The following ELAVL3 variants were observed in gnomAD, a reference collection of about 807,000 sequenced individuals.
ELAVL3 encodes ELAV like RNA binding protein 3.
In ELAVL3, 8 loss-of-function variants were observed where a neutral mutation model predicts 34.2. The ratio of observed to expected loss-of-function variants is 0.23; its 90% CI spans 0.14 to 0.42. The LOEUF is 0.42. ELAVL3 is among the 10% of genes least tolerant of loss of function. The probability of loss-of-function intolerance (pLI) is 1.00; values close to 1 mark genes in which losing one functional copy is unlikely to be tolerated. For missense variants in ELAVL3, 273 were observed against 518.8 expected (o/e 0.53, Z 4.60); for synonymous variants, 209 against 222.1 (o/e 0.94, Z 0.53).
At position 11,451,392 on chromosome 19, in the gene ELAVL3, T is replaced by G. The variant is rs1400569190; in HGVS notation, c.*3134A>C. On this transcript the variant is annotated 3_prime_UTR_variant, in exon 7 of 7. Coordinates refer to ENST00000359227, the MANE Select transcript of ELAVL3 (RefSeq NM_001420.4). The stretch of plus-strand genomic sequence containing the variant: ...ATAATTAAACAATTCCATGTAAAAG[T>G]CTGTTACCGCGGCCAGGCCTGTGAT... 1 of 151,684 alleles carries G rather than the reference T, an allele frequency of 6.6e-6. No homozygotes were observed. Among genetic ancestry groups the G allele is most frequent in the Non-Finnish European group, 1.5e-5 (1 of 67,978 alleles). 9.4% of individuals were successfully genotyped at this position (151,684 alleles called of 1,614,324 possible). A position where few individuals can be genotyped will look rare whatever the true frequency, so the allele number is the denominator to read the frequency against.
At chr19:11,468,305 C>G (rs1295383123) in intron 1 of ELAVL3, among the ~76,000 whole-genome samples, 2 of 152,126 alleles carry the variant, frequency 1.3e-5, no homozygotes, top group African/African-American at 4.8e-5. Context: ...TAACATAAAA[C>G]ACCTTCAAAT....
At chr19:11,457,547 C>T (rs1246147048) in intron 5 of ELAVL3, among the ~76,000 whole-genome samples, 1 of 152,216 alleles carries the variant, frequency 6.6e-6, no homozygotes, top group Non-Finnish European at 1.5e-5. Context: ...AAGGGGCTTC[C>T]ATTGTCTCCC....
At chr19:11,464,246 C>G (rs1599537774) in intron 3 of ELAVL3, among the ~76,000 whole-genome samples, 1 of 149,040 alleles carries the variant, frequency 6.7e-6, no homozygotes, top group South Asian at 2.1e-4. Flanking sequence ...ACTGTAGCCT[C>G]GCCGCCTCAG....
intron 3 of ELAVL3, among the ~76,000 whole-genome samples, chr19:11,464,769 CCA>C (rs1264620989): frequency 4.1e-5 from 5 of 121,720 alleles, no homozygotes; most frequent in Non-Finnish European, 8.3e-5. Flanking sequence ...ATCACACACA[CCA>C]CACACATACA....
chr19:11,451,617 C>A lies in ELAVL3; in HGVS notation c.*2909G>T, dbSNP rs539389362. ...GGTGGAGGGGCTGAGCCCCCTCCCCCCTGGCCTGGCCCCTGCCCCCCAGGG... is the reference window on the plus strand; with the variant it reads ...GGTGGAGGGGCTGAGCCCCCTCCCCACTGGCCTGGCCCCTGCCCCCCAGGG... On this transcript the variant is annotated 3_prime_UTR_variant, in exon 7 of 7. Transcript: ENST00000359227. The A allele has an allele frequency of 6.6e-6, 1 of 151,594 alleles. No individual in the cohort carries two copies. The highest frequency in any genetic ancestry group is 2.4e-5 in the African/African-American group (1 of 41,290). 9.4% of individuals were successfully genotyped at this position (151,594 alleles called of 1,614,324 possible). A position where few individuals can be genotyped will look rare whatever the true frequency, so the allele number is the denominator to read the frequency against.
chr19:11,463,862 G>A (rs1165614079), intron 3 of ELAVL3, among the ~76,000 whole-genome samples: 2 of 151,664 alleles, frequency 1.3e-5, no homozygotes, highest in Non-Finnish European at 1.5e-5. Flanking sequence ...CCAGCTACTC[G>A]GGAGGCTGAG....
At position 11,451,618 on chromosome 19, in the gene ELAVL3, C is replaced by T. The variant is rs1195758532; in HGVS notation, c.*2908G>A. 3 of 151,722 alleles carry T rather than the reference C, an allele frequency of 2.0e-5. No individual in the cohort carries two copies. The East Asian group carries it at 5.9e-4, about 30-fold the overall frequency. 9.4% of individuals were successfully genotyped at this position (151,722 alleles called of 1,614,324 possible). A position where few individuals can be genotyped will look rare whatever the true frequency, so the allele number is the denominator to read the frequency against. On this transcript the variant is annotated 3_prime_UTR_variant, in exon 7 of 7. Transcript: ENST00000359227. ...GTGGAGGGGCTGAGCCCCCTCCCCC[C>T]TGGCCTGGCCCCTGCCCCCCAGGGA...
intron 3 of ELAVL3, among the ~76,000 whole-genome samples, chr19:11,464,694 A>G: frequency 7.2e-6 from 1 of 139,342 alleles, no homozygotes; most frequent in East Asian, 2.1e-4. Context: ...CCCCCCACAC[A>G]CATACACCAC....
In ELAVL3 at chr19:11,464,143, C is replaced by A. The variant is rs1238797161; in HGVS notation, c.333+2029G>T. The stretch of plus-strand genomic sequence containing the variant: ...TCTCTGTCTCTCTCTCTCTCTCTCT[C>A]TCTCTCTCTATATATATATATATAT... On this transcript the variant is annotated intron_variant, in intron 3 of 6. Coordinates refer to ENST00000359227, the MANE Select transcript of ELAVL3 (RefSeq NM_001420.4). 2.9e-4 allele frequency among the ~76,000 whole-genome samples: 32 copies of A among 108,880 alleles called. 2 individuals are homozygous for A. Among genetic ancestry groups the A allele is most frequent in the South Asian group, 8.5e-4 (3 of 3,544 alleles). 71.4% of individuals were successfully genotyped at this position (108,880 alleles called of 152,430 possible).
intron 1 of ELAVL3, among the ~76,000 whole-genome samples, chr19:11,479,642 G>A (rs2144920840): frequency 6.6e-6 from 1 of 151,608 alleles, no homozygotes; most frequent in Non-Finnish European, 1.5e-5. Context: ...CCGGGCCCCC[G>A]GGGCCCTGGG....
chr19:11,466,945 G>A lies in ELAVL3; in HGVS notation c.10-118C>T. ...CTTATAGGGGCTTCGTCATGGGGAGGGGTCACTTTATTATTCTAATGATGG... is the reference window on the plus strand; with the variant it reads ...CTTATAGGGGCTTCGTCATGGGGAGAGGTCACTTTATTATTCTAATGATGG... On this transcript the variant is annotated intron_variant, in intron 1 of 6. Coordinates refer to ENST00000359227, the MANE Select transcript of ELAVL3 (RefSeq NM_001420.4). The surrounding 1 kb of genome is among the most constrained non-coding windows in gnomAD (Gnocchi z 5.0). The A allele has an allele frequency of 1.3e-6, 1 of 752,066 alleles. No homozygotes were observed. Among genetic ancestry groups the A allele is most frequent in the Non-Finnish European group, 2.1e-6 (1 of 467,790 alleles). The allele number at this position is 752,066 out of a possible 1,614,324, so 46.6% of individuals were successfully genotyped here.
Position 11,453,181 on chromosome 19 carries a change from C to T in ELAVL3, c.*1345G>A, listed in dbSNP as rs1474492484. On this transcript the variant is annotated 3_prime_UTR_variant, in exon 7 of 7. Coordinates refer to ENST00000359227, the MANE Select transcript of ELAVL3 (RefSeq NM_001420.4). ...CCCGGGGACAGGGGTGTCCTTTGGCCTCAAGTGTTGTGGGGGGGGGGGCTG... is the reference window on the plus strand; with the variant it reads ...CCCGGGGACAGGGGTGTCCTTTGGCTTCAAGTGTTGTGGGGGGGGGGGCTG... 1 of 151,030 alleles carries T rather than the reference C, an allele frequency of 6.6e-6. No homozygotes were observed. Among genetic ancestry groups the T allele is most frequent in the Non-Finnish European group, 1.5e-5 (1 of 67,810 alleles). The allele number at this position is 151,030 out of a possible 1,614,324, so 9.4% of individuals were successfully genotyped here. A position where few individuals can be genotyped will look rare whatever the true frequency, so the allele number is the denominator to read the frequency against.
Position 11,480,768 on chromosome 19 carries a change from G to A in ELAVL3, c.-160C>T. The A allele has an allele frequency of 1.6e-6, 1 of 618,804 alleles. No individual in the cohort carries two copies. Among genetic ancestry groups the A allele is most frequent in the Non-Finnish European group, 2.4e-6 (1 of 417,940 alleles). 38.3% of individuals were successfully genotyped at this position (618,804 alleles called of 1,614,324 possible). On this transcript the variant is annotated 5_prime_UTR_variant, in exon 1 of 7. Coordinates refer to ENST00000359227, the MANE Select transcript of ELAVL3 (RefSeq NM_001420.4). This position sits in a 1 kb window ranked among gnomAD's most constrained non-coding sequence, Gnocchi z 6.8. The stretch of plus-strand genomic sequence containing the variant: ...AAGGCGGCGGCTCCCTCGAGGGCCA[G>A]GGACGGGCCCGAACCCGGGGATGCG...
intron 1 of ELAVL3, among the ~76,000 whole-genome samples, chr19:11,477,025 G>A (rs138497252): frequency 1.0e-3 from 153 of 152,306 alleles, no homozygotes; most frequent in African/African-American, 3.5e-3. Context: ...GCAAAGCGAA[G>A]CTGAGTACCT....
In ELAVL3 at chr19:11,480,735, T is replaced by G; in HGVS notation, c.-127A>C. The G allele has an allele frequency of 1.1e-6, 1 of 932,656 alleles. No individual in the cohort carries two copies. The highest frequency in any genetic ancestry group is 1.5e-6 in the Non-Finnish European group (1 of 678,378). The allele number at this position is 932,656 out of a possible 1,614,324, so 57.8% of individuals were successfully genotyped here. ...GCCTCTGGTGCGGCCGCTGCAGATGTGGCGATGAAGGCGGCGGCTCCCTCG... is the reference window on the plus strand; with the variant it reads ...GCCTCTGGTGCGGCCGCTGCAGATGGGGCGATGAAGGCGGCGGCTCCCTCG... On this transcript the variant is annotated 5_prime_UTR_variant, in exon 1 of 7. Coordinates refer to ENST00000359227, the MANE Select transcript of ELAVL3 (RefSeq NM_001420.4). The surrounding 1 kb of genome is among the most constrained non-coding windows in gnomAD (Gnocchi z 6.8).
chr19:11,465,910 G>A (rs1326563034), intron 3 of ELAVL3, among the ~76,000 whole-genome samples: 1 of 152,136 alleles, frequency 6.6e-6, no homozygotes, highest in African/African-American at 2.4e-5. Flanking sequence ...GCCTTACAGG[G>A]CCTGGCTGAC....
chr19:11,472,888 G>A (rs1408838673), intron 1 of ELAVL3, among the ~76,000 whole-genome samples: 1 of 151,732 alleles, frequency 6.6e-6, no homozygotes, highest in Non-Finnish European at 1.5e-5. Context: ...CAAACATGGT[G>A]AAACCCCGTC....
chr19:11,467,696 C>T (rs1039718621), intron 1 of ELAVL3, among the ~76,000 whole-genome samples: 4 of 152,064 alleles, frequency 2.6e-5, no homozygotes, highest in African/African-American at 9.7e-5. Flanking sequence ...GTTGGCCAGG[C>T]TGGTCTCGAA....
chr19:11,456,064 G>A (rs1970761988), intron 6 of ELAVL3, among the ~76,000 whole-genome samples: 1 of 151,916 alleles, frequency 6.6e-6, no homozygotes, highest in African/African-American at 2.4e-5. Flanking sequence ...TGCCTCAGAT[G>A]GGACTGGGGG....
Sources: allele counts gnomAD v4.1 joint callset (sites outside exome capture counted in the v4.1 genomes callset), GRCh38; gene constraint gnomAD v4.1.1; non-coding constraint Gnocchi (gnomAD v3.1); transcripts MANE v1.5; gene names NCBI Gene and HGNC (gene_info 2026-07-23, HGNC 2026-07-21).